The following ADGRB3 variants were observed in gnomAD, a reference collection of about 807,000 sequenced individuals.
The protein encoded by ADGRB3 is adhesion G protein-coupled receptor B3.
Under a neutral mutation model 193.4 loss-of-function variants are expected in ADGRB3, and 37 were observed. The observed-to-expected ratio is 0.19, with a 90% CI of 0.15 to 0.25. The LOEUF (loss-of-function observed/expected upper bound fraction) is 0.25. Among genes scored for constraint, ADGRB3 ranks in the 10% least tolerant of loss-of-function variants. The pLI is 1.00. For missense variants in ADGRB3, 1,637 were observed against 1,852.9 expected (o/e 0.88, Z 2.14); for synonymous variants, 690 against 644.2 (o/e 1.07, Z -1.08).
chr6:69,028,269 T>C (rs1034594835), intron 13 of ADGRB3, among the ~76,000 whole-genome samples: 5 of 152,240 alleles, frequency 3.3e-5, no homozygotes, highest in African/African-American at 1.2e-4. Flanking sequence ...AATAGAACTC[T>C]TAAGGCTCAA....
intron 3 of ADGRB3, among the ~76,000 whole-genome samples, chr6:68,853,375 A>G (rs1223865841): frequency 6.6e-6 from 1 of 152,092 alleles, no homozygotes; most frequent in African/African-American, 2.4e-5. Flanking sequence ...CCATAAGTTG[A>G]AATAAATGAA....
At chr6:68,786,152 G>C (rs1390638370) in intron 3 of ADGRB3, among the ~76,000 whole-genome samples, 5 of 152,014 alleles carry the variant, frequency 3.3e-5, no homozygotes, top group Admixed American at 2.6e-4. Context: ...AAGCTCTTTA[G>C]TTTAATTAGA....
chr6:68,674,169 A>G (rs1438103303), intron 3 of ADGRB3, among the ~76,000 whole-genome samples: 1 of 152,154 alleles, frequency 6.6e-6, no homozygotes, highest in Non-Finnish European at 1.5e-5. Flanking sequence ...AGTGGTTGGC[A>G]TCTTATACAG....
chr6:68,864,391 A>G (rs1044195339), intron 3 of ADGRB3, among the ~76,000 whole-genome samples: 26 of 152,190 alleles, frequency 1.7e-4, no homozygotes, highest in African/African-American at 6.3e-4. Flanking sequence ...GTTGCAGCAA[A>G]TTGACTAAGT....
At chr6:68,964,986 T>G (rs560412351) in intron 8 of ADGRB3, among the ~76,000 whole-genome samples, 240 of 152,308 alleles carry the variant, frequency 1.6e-3, no homozygotes, top group Non-Finnish European at 2.7e-3. Flanking sequence ...CCATCATCTC[T>G]TAGCTTAGTG....
At chr6:69,268,692 A>G (rs1221570546) in intron 20 of ADGRB3, among the ~76,000 whole-genome samples, 2 of 152,172 alleles carry the variant, frequency 1.3e-5, no homozygotes, top group Non-Finnish European at 2.9e-5. Flanking sequence ...CTGAGAAATC[A>G]ATCAATTCAT....
intron 13 of ADGRB3, among the ~76,000 whole-genome samples, chr6:69,033,641 G>A (rs1770779853): frequency 6.6e-6 from 1 of 151,994 alleles, no homozygotes; most frequent in South Asian, 2.1e-4. Context: ...TTGACATGTG[G>A]CATATGTACA....
At chr6:68,826,015 A>G (rs1037181967) in intron 3 of ADGRB3, among the ~76,000 whole-genome samples, 7 of 150,912 alleles carry the variant, frequency 4.6e-5, no homozygotes, top group Admixed American at 4.6e-4. Flanking sequence ...ACCTGAAAAT[A>G]TTTCTTTTGA....
At chr6:68,653,870 C>G (rs1330471248) in intron 3 of ADGRB3, among the ~76,000 whole-genome samples, 2 of 151,736 alleles carry the variant, frequency 1.3e-5, no homozygotes, top group African/African-American at 2.4e-5. Flanking sequence ...ATTCTTTCGT[C>G]TTTTCTCTCT....
chr6:69,073,190 A>G (rs1772128868), intron 16 of ADGRB3, among the ~76,000 whole-genome samples: 1 of 152,112 alleles, frequency 6.6e-6, no homozygotes, highest in Admixed American at 6.5e-5. Context: ...TTCAGGAAAG[A>G]CAGTGTTATT....
intron 17 of ADGRB3, among the ~76,000 whole-genome samples, chr6:69,153,315 T>G (rs940701737): frequency 2.6e-5 from 4 of 152,098 alleles, no homozygotes; most frequent in African/African-American, 9.7e-5. Context: ...ACCTTTGAGA[T>G]CCAGGGAGTT....
intron 13 of ADGRB3, among the ~76,000 whole-genome samples, chr6:69,025,076 A>G (rs1258309808): frequency 2.7e-5 from 4 of 148,636 alleles, no homozygotes; most frequent in Non-Finnish European, 5.9e-5. Context: ...TGGGCGACAG[A>G]GCGAGACTCC....
intron 20 of ADGRB3, among the ~76,000 whole-genome samples, chr6:69,322,561 G>A (rs1391538925): frequency 6.6e-6 from 1 of 151,732 alleles, no homozygotes; most frequent in Non-Finnish European, 1.5e-5. Context: ...GATATGAGAT[G>A]GTATCTCACT....
At chr6:69,029,271 T>G (rs1352162059) in intron 13 of ADGRB3, among the ~76,000 whole-genome samples, 1 of 152,184 alleles carries the variant, frequency 6.6e-6, no homozygotes, top group African/African-American at 2.4e-5. Context: ...TGTATCCACT[T>G]TATTTGAAAA....
chr6:68,672,988 C>T (rs1769003049), intron 3 of ADGRB3, among the ~76,000 whole-genome samples: 1 of 151,980 alleles, frequency 6.6e-6, no homozygotes, highest in Admixed American at 6.6e-5. Context: ...ACTTGCTAGC[C>T]TCCACAATTA....
chr6:68,975,124 T>G (rs1338711434), intron 9 of ADGRB3, 110 bp from the exon 10 acceptor site: 1 of 868,604 alleles, frequency 1.2e-6, no homozygotes, highest in Non-Finnish European at 1.8e-6. Flanking sequence ...ATGTGCATGT[T>G]TTTTAAAGAA....
intron 13 of ADGRB3, among the ~76,000 whole-genome samples, chr6:69,041,692 C>T (rs1434975653): frequency 6.6e-6 from 1 of 151,948 alleles, no homozygotes; most frequent in Non-Finnish European, 1.5e-5. Context: ...GCAGCCTTGA[C>T]CTCCAGGGCT....
chr6:69,195,748 T>C (rs1192481318), intron 17 of ADGRB3, among the ~76,000 whole-genome samples: 1 of 152,178 alleles, frequency 6.6e-6, no homozygotes, highest in Admixed American at 6.6e-5. Flanking sequence ...AAGGCCAGAC[T>C]GAACAAAGTC....
chr6:68,732,600 A>T (rs949350755), intron 3 of ADGRB3, among the ~76,000 whole-genome samples: 5 of 152,026 alleles, frequency 3.3e-5, no homozygotes, highest in Middle Eastern at 3.4e-3. Context: ...GAAGTTTGGG[A>T]TGACTTTGCA....
Sources: gnomAD v4.1 joint callset for allele counts (sites outside exome capture counted in the v4.1 genomes callset) on GRCh38, gnomAD v4.1.1 for gene constraint, MANE v1.5 for transcripts, NCBI Gene and HGNC (gene_info 2026-07-23, HGNC 2026-07-21) for gene names.